FBXO8: variants seen among roughly 807,000 people sequenced by gnomAD.
FBXO8 encodes F-box protein 8.
A neutral mutation model predicts 33.4 loss-of-function variants in FBXO8; 15 were observed. The observed-to-expected ratio is 0.45, with a 90% CI of 0.30 to 0.69. The LOEUF is 0.69. FBXO8 is among the 30% of genes least tolerant of loss of function. The pLI is 0.08. For missense variants in FBXO8, 274 were observed against 380.3 expected, an observed-to-expected ratio of 0.72 and a Z score of 2.32; for synonymous variants, 132 against 131.5, an observed-to-expected ratio of 1.00 and a Z score of -0.02.
At position 174,262,560 on chromosome 4, in the gene FBXO8, T is replaced by C. The variant is rs1411749830; in HGVS notation, c.329+204A>G. Among the ~76,000 whole-genome samples, 1 of 152,254 alleles carries C rather than the reference T, an allele frequency of 6.6e-6. No individual in the cohort carries two copies. The highest frequency in any genetic ancestry group is 1.5e-5 in the Non-Finnish European group (1 of 68,032). ...CTCTCTTCTAACTGTAAAGTTATTA[T>C]TCTATTTTCTATTGTCCTCCTTTTC... On this transcript the variant is annotated intron_variant, in intron 2 of 5. Coordinates refer to ENST00000393674, the MANE Select transcript of FBXO8 (RefSeq NM_012180.3). This position sits in a 1 kb window ranked among gnomAD's most constrained non-coding sequence, Gnocchi z 4.6.
At position 174,270,762 on chromosome 4, in the gene FBXO8, C is replaced by T. The variant is rs1736820311; in HGVS notation, c.-8-7662G>A. On this transcript the variant is annotated intron_variant, in intron 1 of 5. Coordinates refer to ENST00000393674, the MANE Select transcript of FBXO8 (RefSeq NM_012180.3). The surrounding 1 kb of genome is among the most constrained non-coding windows in gnomAD (Gnocchi z 4.6). ...CTCCCGAGTGCTGGGATTACAGGCA[C>T]CTGCCACCACGCCTGGCTAATTTTT... Among the ~76,000 whole-genome samples the T allele has an allele frequency of 6.6e-6, 1 of 151,950 alleles. No individual in the cohort carries two copies.
Position 174,274,399 on chromosome 4 carries a change from G to A in FBXO8, c.-9+9011C>T, listed in dbSNP as rs556503710. On this transcript the variant is annotated intron_variant, in intron 1 of 5. Coordinates refer to ENST00000393674, the MANE Select transcript of FBXO8 (RefSeq NM_012180.3). The surrounding 1 kb of genome is among the most constrained non-coding windows in gnomAD (Gnocchi z 4.0). ...AGGTAGTTTCGTACTCATCCCTCTC[G>A]CCCTCTTTAAATGATAACTATTATT... Among the ~76,000 whole-genome samples, 1 of 152,150 alleles carries A rather than the reference G, an allele frequency of 6.6e-6. No individual in the cohort carries two copies. Among genetic ancestry groups the A allele is most frequent in the East Asian group, 1.9e-4 (1 of 5,186 alleles).
Position 174,270,337 on chromosome 4 carries a change from C to T in FBXO8, c.-8-7237G>A, listed in dbSNP as rs1736809483. On this transcript the variant is annotated intron_variant, in intron 1 of 5. Transcript: ENST00000393674. The surrounding 1 kb of genome is among the most constrained non-coding windows in gnomAD (Gnocchi z 4.6). ...AAAGTAACATGATTTTAGGAAGAGT[C>T]CAGCATTATTAAAAAATAATGCCTT... Among the ~76,000 whole-genome samples the T allele has an allele frequency of 2.0e-5, 3 of 152,102 alleles. No homozygotes were observed. Among genetic ancestry groups the T allele is most frequent in the Admixed American group, 2.0e-4 (3 of 15,254 alleles).
intron 3 of FBXO8, among the ~76,000 whole-genome samples, chr4:174,250,085 G>T (rs1196743953): frequency 6.6e-6 from 1 of 151,906 alleles, no homozygotes; most frequent in Non-Finnish European, 1.5e-5. Context: ...AACACTTAGA[G>T]GCATGTTTAA....
At chr4:174,242,917 A>T (rs1736072526) in intron 3 of FBXO8, among the ~76,000 whole-genome samples, 1 of 151,658 alleles carries the variant, frequency 6.6e-6, no homozygotes, top group South Asian at 2.1e-4. Flanking sequence ...TTTAAAAACA[A>T]TGTCAATTAA....
intron 3 of FBXO8, among the ~76,000 whole-genome samples, chr4:174,258,359 T>C (rs1736465160): frequency 6.6e-6 from 1 of 152,166 alleles, no homozygotes; most frequent in African/African-American, 2.4e-5. Flanking sequence ...TTATGATAAA[T>C]AGTTTATCCA....
rs888674797 is a variant in FBXO8 at position 174,272,743 on chromosome 4, C to T, written c.-8-9643G>A. Among the ~76,000 whole-genome samples the T allele has an allele frequency of 6.6e-6, 1 of 152,120 alleles. No individual in the cohort carries two copies. The highest frequency in any genetic ancestry group is 1.5e-5 in the Non-Finnish European group (1 of 68,002). On this transcript the variant is annotated intron_variant, in intron 1 of 5. Coordinates refer to ENST00000393674, the MANE Select transcript of FBXO8 (RefSeq NM_012180.3). This position sits in a 1 kb window ranked among gnomAD's most constrained non-coding sequence, Gnocchi z 4.7. ...AGTTTGACAAAGAATGGAATACTTA[C>T]AGAATCCCAAAGTATCTTCCCACAT...
Position 174,263,024 on chromosome 4 carries a change from G to A in FBXO8, c.69C>T (p.Gly23=), listed in dbSNP as rs756209871. 6.2e-7 allele frequency: 1 copy of A among 1,613,968 alleles called. No individual in the cohort carries two copies. The highest frequency in any genetic ancestry group is 8.5e-7 in the Non-Finnish European group (1 of 1,179,940). Residue 23 remains glycine, a synonymous_variant, in exon 2 of 6, where the codon GGC becomes GGT. Transcript: ENST00000393674. The surrounding 1 kb of genome is among the most constrained non-coding windows in gnomAD (Gnocchi z 4.2). The part of the protein sequence containing the change: ...QLQQEGYSEQ[G]YLTREQSRRM... ...TCCTGCTCTGCTCTCTGGTGAGGTA[G>A]CCTTGCTCACTGTAGCCTTCTTGTT...
chr4:174,282,874 T>C (rs1299235699), intron 1 of FBXO8, among the ~76,000 whole-genome samples: 2 of 152,186 alleles, frequency 1.3e-5, no homozygotes, highest in Admixed American at 1.3e-4. Flanking sequence ...TTGAGAACCT[T>C]CTACGTAAGA....
At position 174,260,176 on chromosome 4, in the gene FBXO8, T is replaced by C. The variant is rs73009496; in HGVS notation, c.330-351A>G. 2.3e-3 allele frequency among the ~76,000 whole-genome samples: 352 copies of C among 152,138 alleles called. 2 individuals carry two copies. The highest frequency in any genetic ancestry group is 7.1e-3 in the African/African-American group (297 of 41,556). ...CCTATTTCAAGTATTTTAATTGGAT[T>C]AGCCTGCCTAATCTTCACAACAATC... On this transcript the variant is annotated intron_variant, in intron 2 of 5. Coordinates refer to ENST00000393674, the MANE Select transcript of FBXO8 (RefSeq NM_012180.3).
rs905813981 is a variant in FBXO8 at position 174,251,125 on chromosome 4, A to G, written c.456+8574T>C. 2.6e-5 allele frequency among the ~76,000 whole-genome samples: 4 copies of G among 152,198 alleles called. No homozygotes were observed. Among genetic ancestry groups the G allele is most frequent in the African/African-American group, 7.2e-5 (3 of 41,452 alleles). On this transcript the variant is annotated intron_variant, in intron 3 of 5. Coordinates refer to ENST00000393674, the MANE Select transcript of FBXO8 (RefSeq NM_012180.3). This position sits in a 1 kb window ranked among gnomAD's most constrained non-coding sequence, Gnocchi z 4.2. ...AAAAAATTGTTCATTGTAGCATATC[A>G]TATTTTAATATTAAAAATTTAAAAA...
At chr4:174,268,413 G>C (rs575211525) in intron 1 of FBXO8, among the ~76,000 whole-genome samples, 1 of 151,994 alleles carries the variant, frequency 6.6e-6, no homozygotes, top group East Asian at 1.9e-4. Context: ...CTAGGCTTGG[G>C]GGCCATTTTT....
intron 1 of FBXO8, among the ~76,000 whole-genome samples, chr4:174,271,101 T>C (rs1736828648): frequency 6.6e-6 from 1 of 151,516 alleles, no homozygotes. Flanking sequence ...CTCTCTCCCA[T>C]AAAATGACAG....
rs1228675195 is a variant in FBXO8 at position 174,253,004 on chromosome 4, A to G, written c.456+6695T>C. ...TAAAAAATCTAAAAAATCTTTCTCTATACACATATTTTCCAACCTCATGAG... is the reference window on the plus strand; with the variant it reads ...TAAAAAATCTAAAAAATCTTTCTCTGTACACATATTTTCCAACCTCATGAG... On this transcript the variant is annotated intron_variant, in intron 3 of 5. Transcript: ENST00000393674. This position sits in a 1 kb window ranked among gnomAD's most constrained non-coding sequence, Gnocchi z 4.5. Among the ~76,000 whole-genome samples the G allele has an allele frequency of 6.6e-6, 1 of 152,030 alleles. No individual in the cohort carries two copies. The highest frequency in any genetic ancestry group is 1.5e-5 in the Non-Finnish European group (1 of 67,984).
At chr4:174,276,546 A>G (rs1015669733) in intron 1 of FBXO8, among the ~76,000 whole-genome samples, 6 of 152,076 alleles carry the variant, frequency 3.9e-5, no homozygotes, top group Admixed American at 3.3e-4. Context: ...GACAGAGCCA[A>G]TTTTTAAAAA....
chr4:174,273,500 AT>A (rs949967679), intron 1 of FBXO8, among the ~76,000 whole-genome samples: 7 of 152,140 alleles, frequency 4.6e-5, no homozygotes, highest in African/African-American at 1.7e-4. Flanking sequence ...TTGGATAAAA[AT>A]ATGGTATCAT....
chr4:174,255,689 T>C lies in FBXO8; in HGVS notation c.456+4010A>G, dbSNP rs568005185. 2.0e-5 allele frequency among the ~76,000 whole-genome samples: 3 copies of C among 152,238 alleles called. No homozygotes were observed. The East Asian group carries it at 5.8e-4, about 29-fold the overall frequency. ...AACAAAAATAAGCCTATATTAAAGT[T>C]AAACCATGTTCACTACCAATTTTTC... On this transcript the variant is annotated intron_variant, in intron 3 of 5. Transcript: ENST00000393674. The surrounding 1 kb of genome is among the most constrained non-coding windows in gnomAD (Gnocchi z 4.3).
rs760227265 is a variant in FBXO8 at position 174,262,962 on chromosome 4, C to T, written c.131G>A (p.Arg44His). The T allele has an allele frequency of 2.7e-5, 43 of 1,613,858 alleles. No individual in the cohort carries two copies. The South Asian group carries it at 3.7e-4, about 14-fold the overall frequency. Residue 44 changes from arginine (R) to histidine (H), a missense_variant, in exon 2 of 6, where the codon CGT (arginine) becomes CAT (histidine). This residue lies in a region of FBXO8 where 88 missense variants were observed against 86.9 expected (regional missense o/e 1.01). Transcript: ENST00000393674. The surrounding 1 kb of genome is among the most constrained non-coding windows in gnomAD (Gnocchi z 4.6). ...AASNISNTNH[R>H]KQVQGGIDIY... ...GTCAATGCCTCCTTGGACTTGTTTA[C>T]GATGATTGGTGTTAGAAATGTTGCT...
At chr4:174,248,705 C>T (rs753828879) in intron 3 of FBXO8, among the ~76,000 whole-genome samples, 42 of 151,938 alleles carry the variant, frequency 2.8e-4, no homozygotes, top group Non-Finnish European at 3.4e-4. Context: ...ATTTACCTTT[C>T]GTATAATATT....
Sources: gnomAD v4.1 joint callset for allele counts (sites outside exome capture counted in the v4.1 genomes callset) on GRCh38, gnomAD v4.1.1 for gene constraint, gnomAD v4.1.1 regional missense constraint, Gnocchi (gnomAD v3.1) non-coding constraint, MANE v1.5 for transcripts, NCBI Gene and HGNC (gene_info 2026-07-23, HGNC 2026-07-21) for gene names.